LCP2: variants seen among roughly 807,000 people sequenced by gnomAD.
The protein encoded by LCP2 is 76 kDa tyrosine phosphoprotein.
In LCP2, 29 loss-of-function variants were observed where a neutral mutation model predicts 74.5. The ratio of observed to expected loss-of-function variants is 0.39; its 90% CI spans 0.29 to 0.53. LCP2 has a LOEUF of 0.53. LCP2 is among the 20% of genes least tolerant of loss of function. LCP2 has a pLI of 0.72. For missense variants in LCP2, 604 were observed against 634.6 expected, an observed-to-expected ratio of 0.95 and a Z score of 0.52; for synonymous variants, 228 against 229.5, an observed-to-expected ratio of 0.99 and a Z score of 0.06.
At position 170,248,489 on chromosome 5, in the gene LCP2, C is replaced by T; in HGVS notation, c.*208G>A. 2 of 502,168 alleles carry T rather than the reference C, an allele frequency of 4.0e-6. No individual in the cohort carries two copies. Among genetic ancestry groups the T allele is most frequent in the Non-Finnish European group, 7.1e-6 (2 of 283,000 alleles). 31.1% of individuals were successfully genotyped at this position (502,168 alleles called of 1,614,324 possible). A position where few individuals can be genotyped will look rare whatever the true frequency, so the allele number is the denominator to read the frequency against. On this transcript the variant is annotated 3_prime_UTR_variant, in exon 21 of 21. Transcript: ENST00000046794. ...TTCAAGTGTGAACATGACTCATGCA[C>T]TTTACAAACATTGAAGAAGAATAAA...
chr5:170,294,714 A>G (rs3804251), intron 1 of LCP2, among the ~76,000 whole-genome samples: 9,785 of 152,312 alleles, frequency 0.064, 356 homozygotes, highest in African/African-American at 0.097. Context: ...TTGAAAGCAC[A>G]TCCCATCTAT....
At chr5:170,250,028 TAACAG>T (rs1761398528) in intron 20 of LCP2, among the ~76,000 whole-genome samples, 1 of 152,234 alleles carries the variant, frequency 6.6e-6, no homozygotes, top group Non-Finnish European at 1.5e-5. Context: ...AACATTATCA[TAACAG>T]AAGTATGTGA....
intron 6 of LCP2, chr5:170,273,920 C>CGGGGGGGGGGGGGAGGGGGG (rs3833445): frequency 1.2e-5 from 1 of 85,864 alleles, no homozygotes; most frequent in African/African-American, 3.3e-5. Context: ...TTTTTGGAGA[C>CGGGGGGGGGGGGGAGGGGGG]GGGGGGGTAG....
chr5:170,268,430 T>A lies in LCP2; in HGVS notation c.576A>T (p.Arg192Ser). 2.0e-6 allele frequency: 1 copy of A among 495,156 alleles called. No individual in the cohort carries two copies. The highest frequency in any genetic ancestry group is 2.7e-6 in the Non-Finnish European group (1 of 368,982). 30.7% of individuals were successfully genotyped at this position (495,156 alleles called of 1,614,324 possible). A position where few individuals can be genotyped will look rare whatever the true frequency, so the allele number is the denominator to read the frequency against. Residue 192 changes from arginine (R) to serine (S), a missense_variant, in exon 8 of 21, where the codon AGA becomes AGT. Transcript: ENST00000046794. ...GTGGGGGCGGGAGGGCGGCCATCGG[T>A]CTCTGGGGGGGCACAGGAGGCTGCT... Reference protein sequence around the residue: ...TPQQPPVPPQRPMAALPPPPA... With the variant: ...TPQQPPVPPQSPMAALPPPPA...
intron 3 of LCP2, chr5:170,287,661 C>T (rs933863822): frequency 4.8e-6 from 2 of 416,356 alleles, no homozygotes; most frequent in African/African-American, 2.0e-5. Context: ...CATGATGAAA[C>T]CTTGACACTG....
chr5:170,249,548 G>A (rs1761384051), intron 20 of LCP2, among the ~76,000 whole-genome samples: 1 of 151,988 alleles, frequency 6.6e-6, no homozygotes, highest in Admixed American at 6.6e-5. Context: ...GTCATTAATA[G>A]TGTTAGGAAA....
chr5:170,267,304 T>C (rs1267523686), intron 8 of LCP2: 5 of 592,052 alleles, frequency 8.4e-6, no homozygotes, highest in Non-Finnish European at 1.5e-5. Context: ...CATGTCACTT[T>C]CCTGCTAAGC....
intron 3 of LCP2, 53 bp downstream of exon 3, chr5:170,287,917 C>G: frequency 6.5e-7 from 1 of 1,544,806 alleles, no homozygotes; most frequent in Non-Finnish European, 9.0e-7. Flanking sequence ...TCACACTACT[C>G]CCCATTCCCA....
chr5:170,278,438 GT>G (rs1237924957), intron 3 of LCP2, among the ~76,000 whole-genome samples: 2 of 41,284 alleles, frequency 4.8e-5, no homozygotes, highest in African/African-American at 2.3e-4. Flanking sequence ...GAGTGCAGGG[GT>G]GGGGGGCTGG....
intron 18 of LCP2, 36 bp from the exon 19 acceptor site, chr5:170,252,547 T>G (rs758494157): frequency 5.6e-6 from 6 of 1,071,944 alleles, no homozygotes; most frequent in Non-Finnish European, 7.0e-6. Flanking sequence ...GAATAAATTT[T>G]ACAGTTACAG....
At chr5:170,273,633 A>C (rs1761934476) in intron 6 of LCP2, 1 of 152,212 alleles carries the variant, frequency 6.6e-6, no homozygotes, top group Non-Finnish European at 1.5e-5. Flanking sequence ...CTGTAAAATG[A>C]ACAGATTGGG....
At chr5:170,289,679 CTCTCTCTT>C (rs1762251986) in intron 2 of LCP2, among the ~76,000 whole-genome samples, 3 of 135,584 alleles carry the variant, frequency 2.2e-5, no homozygotes, top group African/African-American at 5.5e-5. Context: ...CTTTCTCTCT[CTCTCTCTT>C]TCTTTCTTTC....
intron 3 of LCP2, among the ~76,000 whole-genome samples, chr5:170,286,737 C>T (rs1226272341): frequency 6.6e-6 from 1 of 152,188 alleles, no homozygotes; most frequent in African/African-American, 2.4e-5. Context: ...CAAGGGAAAC[C>T]CTATAGTCAT....
chr5:170,251,168 G>A (rs1165953839), intron 19 of LCP2: 2 of 318,264 alleles, frequency 6.3e-6, no homozygotes, highest in East Asian at 1.4e-4. Flanking sequence ...GGAATCTTTT[G>A]TTCAGTAATA....
intron 6 of LCP2, among the ~76,000 whole-genome samples, chr5:170,272,313 C>G (rs1360831607): frequency 6.6e-6 from 1 of 152,186 alleles, no homozygotes; most frequent in Non-Finnish European, 1.5e-5. Flanking sequence ...TAATTATATT[C>G]TGCCATATGT....
intron 5 of LCP2, among the ~76,000 whole-genome samples, chr5:170,274,806 C>T (rs529908357): frequency 6.6e-6 from 1 of 152,124 alleles, no homozygotes; most frequent in Admixed American, 6.5e-5. Context: ...GAAACCCCGT[C>T]TCTACTAAAA....
intron 3 of LCP2, among the ~76,000 whole-genome samples, chr5:170,286,923 A>T (rs1263019623): frequency 6.6e-6 from 1 of 152,244 alleles, no homozygotes; most frequent in Non-Finnish European, 1.5e-5. Flanking sequence ...GGTAACACAC[A>T]GACTATATGT....
intron 3 of LCP2, among the ~76,000 whole-genome samples, chr5:170,285,928 C>T (rs1431167973): frequency 6.6e-6 from 1 of 152,258 alleles, no homozygotes; most frequent in Non-Finnish European, 1.5e-5. Flanking sequence ...AGACCCAGCA[C>T]TGTGCTCCCT....
chr5:170,261,482 C>CAT (rs374590515), intron 13 of LCP2, among the ~76,000 whole-genome samples: 73,422 of 149,896 alleles, frequency 0.49, 17,899 homozygotes, highest in Admixed American at 0.53. Flanking sequence ...CACACACACA[C>CAT]ACATGTGGTT....
Sources: gnomAD v4.1 joint callset for allele counts (sites outside exome capture counted in the v4.1 genomes callset) on GRCh38, gnomAD v4.1.1 for gene constraint, MANE v1.5 for transcripts, NCBI Gene and HGNC (gene_info 2026-07-23, HGNC 2026-07-21) for gene names.